DYRK1A: variants seen among roughly 807,000 people sequenced by gnomAD.
DYRK1A encodes dual specificity tyrosine phosphorylation regulated kinase 1A, also known as dual specificity tyrosine-phosphorylation-regulated kinase 1A.
DYRK1A carries 9 observed loss-of-function variants against 79.7 expected under a neutral mutation model. The ratio of observed to expected loss-of-function variants is 0.11; its 90% confidence interval spans 0.07 to 0.20. The LOEUF is 0.20. Among genes scored for constraint, DYRK1A ranks in the 10% least tolerant of loss-of-function variants. The probability of loss-of-function intolerance (pLI) is 1.00; values close to 1 mark genes in which losing one functional copy is unlikely to be tolerated. For synonymous variants in DYRK1A, 349 were observed against 329.7 expected (o/e 1.06, Z -0.63); for missense variants, 622 against 956.0 (o/e 0.65, Z 4.61).
chr21:37,384,467 A>G lies in DYRK1A; in HGVS notation c.-77+16839A>G, dbSNP rs139557427. Among the ~76,000 whole-genome samples the G allele has an allele frequency of 4.8e-3, 731 of 152,310 alleles. 4 individuals are homozygous for G. The highest frequency in any genetic ancestry group is 0.041 in the Middle Eastern group (12 of 294). ...AGTGGGGCTAAACTAGTCCTGAAGT[A>G]AAGACTCCTAGCTTTGCCTGAAAAA... is the stretch of plus-strand genomic sequence containing the variant. On this transcript the variant is annotated intron_variant, in intron 1 of 11. Coordinates refer to ENST00000647188, the MANE Select transcript of DYRK1A (RefSeq NM_001347721.2).
intron 2 of DYRK1A, among the ~76,000 whole-genome samples, chr21:37,464,654 T>C (rs867162806): frequency 1.3e-5 from 2 of 152,244 alleles, no homozygotes; most frequent in Non-Finnish European, 2.9e-5. Context: ...TAAGATATTA[T>C]TATACTGAGT....
chr21:37,416,343 CTG>C (rs1461510306), intron 1 of DYRK1A, among the ~76,000 whole-genome samples: 10 of 69,066 alleles, frequency 1.4e-4, no homozygotes, highest in Admixed American at 1.2e-3. Context: ...TTTTTAAAGA[CTG>C]TGACTGTTTT....
chr21:37,424,451 AGTT>A (rs2050563127), intron 2 of DYRK1A, among the ~76,000 whole-genome samples: 1 of 149,130 alleles, frequency 6.7e-6, no homozygotes, highest in Non-Finnish European at 1.5e-5. Context: ...ATTCCCTTCC[AGTT>A]GTTTTTCATG....
intron 5 of DYRK1A, among the ~76,000 whole-genome samples, chr21:37,482,903 C>T (rs550671434): frequency 5.9e-5 from 9 of 152,286 alleles, no homozygotes; most frequent in African/African-American, 1.7e-4. Context: ...CTGTTCCGCC[C>T]GGGTCAGTGG....
intron 1 of DYRK1A, among the ~76,000 whole-genome samples, chr21:37,400,180 C>T (rs1359742284): frequency 5.3e-5 from 8 of 152,132 alleles, no homozygotes; most frequent in African/African-American, 1.9e-4. Flanking sequence ...ATCTCTCCTG[C>T]GATGGTTGTG....
intron 2 of DYRK1A, among the ~76,000 whole-genome samples, chr21:37,442,168 T>A (rs1361511194): frequency 3.3e-5 from 5 of 152,132 alleles, no homozygotes; most frequent in Admixed American, 1.3e-4. Context: ...TTTAGCAGTT[T>A]GATAATTACG....
At chr21:37,433,370 A>G (rs1279518394) in intron 2 of DYRK1A, among the ~76,000 whole-genome samples, 1 of 152,240 alleles carries the variant, frequency 6.6e-6, no homozygotes, top group East Asian at 1.9e-4. Context: ...GAGGTGGACC[A>G]GGAAACAGTC....
At chr21:37,491,118 A>G (rs1301913004) in intron 7 of DYRK1A, among the ~76,000 whole-genome samples, 1 of 152,196 alleles carries the variant, frequency 6.6e-6, no homozygotes, top group Non-Finnish European at 1.5e-5. Flanking sequence ...ACTCTTATTT[A>G]AAATTTACAT....
chr21:37,518,109 G>A lies in DYRK1A; in HGVS notation c.*5578G>A, dbSNP rs753458455. The A allele has an allele frequency of 6.6e-6, 1 of 152,210 alleles. No homozygotes were observed. Among genetic ancestry groups the A allele is most frequent in the Non-Finnish European group, 1.5e-5 (1 of 68,086 alleles). 9.4% of individuals were successfully genotyped at this position (152,210 alleles called of 1,614,324 possible). A position where few individuals can be genotyped will look rare whatever the true frequency, so the allele number is the denominator to read the frequency against. ...TGCTCAGGCGCTCCTCAAACTGCTG[G>A]CCTCAAGTGATCCTCCAGCCTGGGC... On this transcript the variant is annotated 3_prime_UTR_variant, in exon 12 of 12. Coordinates refer to ENST00000647188, the MANE Select transcript of DYRK1A (RefSeq NM_001347721.2).
intron 3 of DYRK1A, among the ~76,000 whole-genome samples, chr21:37,475,709 C>G (rs539399708): frequency 2.0e-5 from 3 of 152,306 alleles, no homozygotes; most frequent in Admixed American, 2.0e-4. Context: ...AAGTGCTAAG[C>G]ACACAGCACA....
intron 2 of DYRK1A, among the ~76,000 whole-genome samples, chr21:37,470,139 G>C (rs1045787804): frequency 2.0e-5 from 3 of 152,058 alleles, no homozygotes; most frequent in African/African-American, 7.2e-5. Flanking sequence ...GCGAGACTCT[G>C]TCTCAAAAAT....
At chr21:37,423,866 A>G (rs1360441321) in intron 2 of DYRK1A, among the ~76,000 whole-genome samples, 2 of 152,144 alleles carry the variant, frequency 1.3e-5, no homozygotes, top group Non-Finnish European at 2.9e-5. Flanking sequence ...TGCATACACT[A>G]TATATATACT....
intron 2 of DYRK1A, among the ~76,000 whole-genome samples, chr21:37,460,612 C>T (rs9977098): frequency 0.047 from 7,115 of 152,288 alleles, 224 homozygotes; most frequent in Middle Eastern, 0.14. Flanking sequence ...TGTTTCCAAA[C>T]GTCCCTACGC....
At chr21:37,442,108 T>C (rs1334102061) in intron 2 of DYRK1A, among the ~76,000 whole-genome samples, 2 of 152,078 alleles carry the variant, frequency 1.3e-5, no homozygotes, top group Admixed American at 1.3e-4. Context: ...TTGTATATAA[T>C]ATGTCTCTTT....
intron 1 of DYRK1A, among the ~76,000 whole-genome samples, chr21:37,393,531 A>G (rs561284982): frequency 1.1e-4 from 16 of 152,334 alleles, no homozygotes; most frequent in Admixed American, 4.6e-4. Context: ...AGATGTCACA[A>G]TGTACAAGCC....
At chr21:37,493,866 C>T (rs752956282) in intron 8 of DYRK1A, among the ~76,000 whole-genome samples, 28 of 151,722 alleles carry the variant, frequency 1.8e-4, no homozygotes, top group Non-Finnish European at 2.8e-4. Flanking sequence ...ATGACTTGTA[C>T]CGGATTACAC....
intron 2 of DYRK1A, among the ~76,000 whole-genome samples, chr21:37,449,478 C>T (rs2051375791): frequency 6.6e-6 from 1 of 152,146 alleles, no homozygotes; most frequent in Non-Finnish European, 1.5e-5. Flanking sequence ...TGGAGGTTTT[C>T]ACACGCAATT....
intron 1 of DYRK1A, among the ~76,000 whole-genome samples, chr21:37,398,198 G>A (rs1022790514): frequency 6.7e-6 from 1 of 149,982 alleles, no homozygotes; most frequent in African/African-American, 2.5e-5. Flanking sequence ...AAAATAGTTA[G>A]CCTGGCACAG....
At chr21:37,464,151 CTT>C (rs1181044323) in intron 2 of DYRK1A, 1 of 267,704 alleles carries the variant, frequency 3.7e-6, no homozygotes, top group Non-Finnish European at 7.5e-6. Flanking sequence ...TGTTTTTAAA[CTT>C]AGGGTCTTTT....
Sources: allele counts gnomAD v4.1 joint callset (sites outside exome capture counted in the v4.1 genomes callset), GRCh38; gene constraint gnomAD v4.1.1; transcripts MANE v1.5; gene names NCBI Gene and HGNC (gene_info 2026-07-23, HGNC 2026-07-21).